The following PTPRS variants were observed in gnomAD, a reference collection of about 807,000 sequenced individuals.
The protein encoded by PTPRS is receptor-type tyrosine-protein phosphatase S.
In PTPRS, 63 loss-of-function variants were observed where a neutral mutation model predicts 215.3. That is an observed-to-expected ratio of 0.29 (90% CI 0.24 to 0.36). The LOEUF is 0.36. PTPRS is among the 10% of genes least tolerant of loss of function. The pLI is 1.00. For missense variants in PTPRS, 2,258 were observed against 2,825.8 expected, an observed-to-expected ratio of 0.80 and a Z score of 4.56; for synonymous variants, 1,404 against 1,191.4, an observed-to-expected ratio of 1.18 and a Z score of -3.68.
intron 6 of PTPRS, among the ~76,000 whole-genome samples, chr19:5,261,800 C>T (rs1027818576): frequency 6.6e-6 from 1 of 152,200 alleles, no homozygotes; most frequent in Admixed American, 6.5e-5. Context: ...CTGAACTTTT[C>T]GGAGTCCCTG....
Position 5,210,813 on chromosome 19 carries a change from C to A in PTPRS, c.5235-8G>T. The A allele has an allele frequency of 1.2e-6, 2 of 1,612,664 alleles. No individual in the cohort carries two copies. Among genetic ancestry groups the A allele is most frequent in the Non-Finnish European group, 1.7e-6 (2 of 1,179,770 alleles). On this transcript the variant is annotated splice_polypyrimidine_tract_variant and splice_region_variant and intron_variant, in intron 33 of 37. Transcript: ENST00000262963. The surrounding 1 kb of genome is among the most constrained non-coding windows in gnomAD (Gnocchi z 4.5). ...ATGTAGGCCTTCTGCTGCCTGCAGGCGTTGGGGGTATGAGCCCAGGGCCGG... is the reference window on the plus strand; with the variant it reads ...ATGTAGGCCTTCTGCTGCCTGCAGGAGTTGGGGGTATGAGCCCAGGGCCGG...
intron 16 of PTPRS, 115 bp downstream of exon 16, chr19:5,229,201 G>T: frequency 8.6e-7 from 1 of 1,160,130 alleles, no homozygotes; most frequent in Non-Finnish European, 1.1e-6. Context: ...GCATGGGAGG[G>T]CCCAGAGGAG....
intron 4 of PTPRS, among the ~76,000 whole-genome samples, chr19:5,267,660 A>AC (rs1056037894): frequency 6.7e-6 from 1 of 148,190 alleles, no homozygotes; most frequent in Non-Finnish European, 1.5e-5. Flanking sequence ...GTCTCAAAAA[A>AC]AAAAAAAAAA....
At position 5,206,795 on chromosome 19, in the gene PTPRS, G is replaced by A. The variant is rs1260693703; in HGVS notation, c.5826C>T (p.Ser1942=). The A allele has an allele frequency of 6.2e-7, 1 of 1,613,980 alleles. No homozygotes were observed. Among genetic ancestry groups the A allele is most frequent in the Non-Finnish European group, 8.5e-7 (1 of 1,179,962 alleles). ...CYQAALEYLG[S]FDHYAT ...GGCTTTAGGTTGCATAGTGGTCAAAGCTTCCGAGGTACTCCAGTGCCGCCT... is the reference window on the plus strand; with the variant it reads ...GGCTTTAGGTTGCATAGTGGTCAAAACTTCCGAGGTACTCCAGTGCCGCCT... The change falls in exon 38 of 38, where the codon AGC becomes AGT. Residue 1942 remains serine, a synonymous_variant. Coordinates refer to ENST00000262963, the MANE Select transcript of PTPRS (RefSeq NM_002850.4).
intron 1 of PTPRS, among the ~76,000 whole-genome samples, chr19:5,289,926 C>A (rs1255702579): frequency 6.6e-6 from 1 of 152,226 alleles, no homozygotes; most frequent in Non-Finnish European, 1.5e-5. Flanking sequence ...CAGGCCAACC[C>A]TCCACCATGT....
intron 1 of PTPRS, among the ~76,000 whole-genome samples, chr19:5,296,057 G>A (rs1198037147): frequency 6.6e-6 from 1 of 152,134 alleles, no homozygotes; most frequent in Non-Finnish European, 1.5e-5. Context: ...ATAAGGTTAA[G>A]CCCAGCCTAC....
intron 6 of PTPRS, among the ~76,000 whole-genome samples, chr19:5,261,881 A>G (rs537837879): frequency 8.5e-5 from 13 of 152,352 alleles, no homozygotes; most frequent in Non-Finnish European, 1.8e-4. Flanking sequence ...AAGTTTGCCT[A>G]AAGTTACACC....
intron 1 of PTPRS, among the ~76,000 whole-genome samples, chr19:5,317,645 T>C (rs996769112): frequency 1.2e-4 from 18 of 152,136 alleles, no homozygotes; most frequent in African/African-American, 2.9e-4. Flanking sequence ...TTTCCTAAAA[T>C]AGGACAGGGC....
In PTPRS at chr19:5,244,582, G is replaced by T; in HGVS notation, c.989-100C>A. 1.0e-6 allele frequency: 1 copy of T among 961,302 alleles called. No individual in the cohort carries two copies. The highest frequency in any genetic ancestry group is 1.5e-6 in the Non-Finnish European group (1 of 648,810). The allele number at this position is 961,302 out of a possible 1,614,324, so 59.5% of individuals were successfully genotyped here. A position where few individuals can be genotyped will look rare whatever the true frequency, so the allele number is the denominator to read the frequency against. On this transcript the variant is annotated intron_variant, in intron 10 of 37. Transcript: ENST00000262963. The surrounding 1 kb of genome is among the most constrained non-coding windows in gnomAD (Gnocchi z 7.2). ...CATTCAGTCGCCTTCTCTGAGCCTT[G>T]ATTTGCCCAGCAGTAATCATGGGCC... is the stretch of plus-strand genomic sequence containing the variant.
At chr19:5,330,517 C>T (rs1186858371) in intron 1 of PTPRS, among the ~76,000 whole-genome samples, 1 of 152,190 alleles carries the variant, frequency 6.6e-6, no homozygotes, top group Non-Finnish European at 1.5e-5. Context: ...CCTCATCACC[C>T]CTAACGGTTC....
At chr19:5,284,415 A>C (rs1568564690) in intron 2 of PTPRS, among the ~76,000 whole-genome samples, 2 of 101,422 alleles carry the variant, frequency 2.0e-5, no homozygotes, top group African/African-American at 6.3e-5. Flanking sequence ...AAATAAATAA[A>C]TAAAAATTAG....
rs1353893347 is a variant in PTPRS at position 5,218,373 on chromosome 19, T to C, written c.4048+47A>G. On this transcript the variant is annotated intron_variant, in intron 25 of 37. Coordinates refer to ENST00000262963, the MANE Select transcript of PTPRS (RefSeq NM_002850.4). Reference sequence around the variant, plus strand: ...GTGGCAGCTACTGCTTCTCCCCAGCTATCTCCCCTGTTGGTGGCATCCCTG... The same window carrying C: ...GTGGCAGCTACTGCTTCTCCCCAGCCATCTCCCCTGTTGGTGGCATCCCTG... 3.2e-6 allele frequency: 5 copies of C among 1,554,650 alleles called. No individual in the cohort carries two copies. The East Asian group carries it at 1.1e-4, about 35-fold the overall frequency.
At chr19:5,270,306 T>C (rs2046801813) in intron 4 of PTPRS, among the ~76,000 whole-genome samples, 1 of 42,982 alleles carries the variant, frequency 2.3e-5, no homozygotes, top group Non-Finnish European at 4.2e-5. Context: ...CACCCCCCTT[T>C]TAGAGACAGG....
intron 2 of PTPRS, among the ~76,000 whole-genome samples, chr19:5,278,874 G>T (rs1034484170): frequency 1.3e-5 from 2 of 151,926 alleles, no homozygotes; most frequent in African/African-American, 2.4e-5. Context: ...TGTCGCAAAT[G>T]GTACCGTTGT....
At chr19:5,222,364 T>TGGCCCTGGCCC in intron 18 of PTPRS, 144 bp from the exon 19 acceptor site, 4 of 731,038 alleles carry the variant, frequency 5.5e-6, no homozygotes, top group Non-Finnish European at 2.3e-6. Context: ...CCTTCCTGCC[T>TGGCCCTGGCCC]GGCCCTGGCC....
At chr19:5,224,405 CTTG>C (rs937071885) in intron 17 of PTPRS, among the ~76,000 whole-genome samples, 1 of 152,134 alleles carries the variant, frequency 6.6e-6, no homozygotes, top group African/African-American at 2.4e-5. Context: ...CATCTCCTGC[CTTG>C]TTGATTTGGC....
At chr19:5,208,079 C>T (rs767854985) in intron 36 of PTPRS, 22 bp from the exon 37 acceptor site, 59 of 1,604,696 alleles carry the variant, frequency 3.7e-5, no homozygotes, top group Non-Finnish European at 4.9e-5. Context: ...AAAGTGAGCA[C>T]AGCCATTCAG....
At chr19:5,243,804 G>A (rs1034456499) in intron 11 of PTPRS, 97 bp downstream of exon 11, 5 of 1,090,394 alleles carry the variant, frequency 4.6e-6, no homozygotes, top group Admixed American at 3.0e-5. Flanking sequence ...TTAAAGCACC[G>A]TGCATAACCC....
intron 25 of PTPRS, among the ~76,000 whole-genome samples, chr19:5,217,745 G>A (rs533215813): frequency 6.6e-6 from 1 of 152,384 alleles, no homozygotes; most frequent in East Asian, 1.9e-4. Context: ...CCCATAAGGA[G>A]AATAGCAGCC....
Sources: allele counts gnomAD v4.1 joint callset (sites outside exome capture counted in the v4.1 genomes callset), GRCh38; gene constraint gnomAD v4.1.1; non-coding constraint Gnocchi (gnomAD v3.1); transcripts MANE v1.5; gene names NCBI Gene and HGNC (gene_info 2026-07-23, HGNC 2026-07-21).